Variants in LRRK1 observed in about 807,000 individuals in gnomAD.
LRRK1 encodes leucine rich repeat kinase 1.
LRRK1 carries 113 observed loss-of-function variants against 209.1 expected under a neutral mutation model. The observed-to-expected ratio is 0.54, with a 90% CI of 0.46 to 0.63. The LOEUF (loss-of-function observed/expected upper bound fraction) is 0.63. Among genes scored for constraint, LRRK1 ranks in the 30% least tolerant of loss-of-function variants. The probability of loss-of-function intolerance (pLI) is 0.00; values close to 1 mark genes in which losing one functional copy is unlikely to be tolerated. For synonymous variants in LRRK1, 1,144 were observed against 1,099.7 expected (o/e 1.04, Z -0.80); for missense variants, 2,284 against 2,632.2 (o/e 0.87, Z 2.89).
chr15:101,045,027 G>A (rs1043110760), intron 20 of LRRK1, among the ~76,000 whole-genome samples: 8 of 152,154 alleles, frequency 5.3e-5, no homozygotes, highest in African/African-American at 1.4e-4. Context: ...CACAGCCCCC[G>A]TCTACCTTCA....
At chr15:101,007,214 G>T (rs558969699) in intron 6 of LRRK1, among the ~76,000 whole-genome samples, 56 of 152,312 alleles carry the variant, frequency 3.7e-4, no homozygotes, top group South Asian at 6.2e-4. Context: ...ACGTTATTGG[G>T]ACCTTTCTCG....
intron 2 of LRRK1, among the ~76,000 whole-genome samples, chr15:100,931,511 A>T (rs2042211903): frequency 6.6e-6 from 1 of 152,248 alleles, no homozygotes; most frequent in Non-Finnish European, 1.5e-5. Flanking sequence ...GGCTCTCTGA[A>T]GTTCCTGTTA....
intron 4 of LRRK1, chr15:100,983,986 A>T (rs370062995): frequency 1.7e-5 from 8 of 458,296 alleles, no homozygotes; most frequent in African/African-American, 1.6e-4. Context: ...GAGAAGTTTT[A>T]GATTTATGGA....
At chr15:100,999,931 A>G (rs10902589) in intron 6 of LRRK1, among the ~76,000 whole-genome samples, 83,457 of 152,004 alleles carry the variant, frequency 0.55, 24,655 homozygotes, top group African/African-American at 0.79. Context: ...TTATTTTTGT[A>G]CTTAGGTTTC....
At chr15:101,014,539 G>T in intron 11 of LRRK1, 111 bp downstream of exon 11, 1 of 727,070 alleles carries the variant, frequency 1.4e-6, no homozygotes. Context: ...TGAGCCGCCA[G>T]CTGGGGGCTT....
intron 27 of LRRK1, among the ~76,000 whole-genome samples, chr15:101,056,248 GCTC>G (rs1348175053): frequency 1.3e-5 from 2 of 152,178 alleles, no homozygotes; most frequent in Admixed American, 6.5e-5. Context: ...TCCAGGAGAC[GCTC>G]CTTTTTTTAT....
At chr15:101,001,554 G>A (rs1240707290) in intron 6 of LRRK1, among the ~76,000 whole-genome samples, 1 of 152,128 alleles carries the variant, frequency 6.6e-6, no homozygotes, top group Non-Finnish European at 1.5e-5. Context: ...TGTGGCTCTT[G>A]TCTTACTGGC....
rs2033820104 is a variant in LRRK1 at position 101,022,061 on chromosome 15, C to T, written c.1852+104C>T. On this transcript the variant is annotated intron_variant, in intron 14 of 33. Transcript: ENST00000388948. The surrounding 1 kb of genome is among the most constrained non-coding windows in gnomAD (Gnocchi z 4.0). ...GGAGACAGTTGGTGACCCATGGAGCCCAGCTCCAGGTTCCAGATTTGACAA... is the reference window on the plus strand; with the variant it reads ...GGAGACAGTTGGTGACCCATGGAGCTCAGCTCCAGGTTCCAGATTTGACAA... 2.5e-6 allele frequency: 2 copies of T among 786,726 alleles called. No individual in the cohort carries two copies. The highest frequency in any genetic ancestry group is 4.1e-6 in the Non-Finnish European group (2 of 489,328). 48.7% of individuals were successfully genotyped at this position (786,726 alleles called of 1,614,324 possible). A position where few individuals can be genotyped will look rare whatever the true frequency, so the allele number is the denominator to read the frequency against.
At position 101,058,148 on chromosome 15, in the gene LRRK1, T is replaced by G; in HGVS notation, c.4679+7T>G. 3 of 1,613,772 alleles carry G rather than the reference T, an allele frequency of 1.9e-6. No individual in the cohort carries two copies. The highest frequency in any genetic ancestry group is 2.5e-6 in the Non-Finnish European group (3 of 1,179,926). The stretch of plus-strand genomic sequence containing the variant: ...ATGGAAAAGAGGAGTCCAGGTAAGC[T>G]CCTGCGGGCTGCCCTGCCCCCTTTG... On this transcript the variant is annotated splice_region_variant and intron_variant, in intron 29 of 33. Transcript: ENST00000388948.
chr15:100,975,209 G>C (rs899034208), intron 3 of LRRK1, among the ~76,000 whole-genome samples: 1 of 152,250 alleles, frequency 6.6e-6, no homozygotes, highest in African/African-American at 2.4e-5. Flanking sequence ...CTCAAGCAGG[G>C]AGGAGCTGGG....
At chr15:101,066,577 T>C (rs897510761) in intron 32 of LRRK1, 63 bp from the exon 33 acceptor site, 7 of 1,492,224 alleles carry the variant, frequency 4.7e-6, no homozygotes, top group Non-Finnish European at 6.5e-6. Context: ...GCACACCGGC[T>C]TCACTCCCCG....
In LRRK1 at chr15:100,919,629, G is replaced by A. The variant is rs2041983415; in HGVS notation, c.-123+178G>A. On this transcript the variant is annotated intron_variant, in intron 1 of 33. Transcript: ENST00000388948. This position sits in a 1 kb window ranked among gnomAD's most constrained non-coding sequence, Gnocchi z 5.8. ...GGGGGGCCGTTGCGCAGGGGCCGCG[G>A]CCCGAGGGGCGCGGAGGGCGTGTGG... Among the ~76,000 whole-genome samples the A allele has an allele frequency of 6.6e-6, 1 of 150,414 alleles. No homozygotes were observed.
At chr15:100,931,429 G>A (rs1368715560) in intron 2 of LRRK1, among the ~76,000 whole-genome samples, 3 of 152,160 alleles carry the variant, frequency 2.0e-5, no homozygotes, top group African/African-American at 7.2e-5. Flanking sequence ...CATCTTAATC[G>A]ATTATTTTAA....
In LRRK1 at chr15:101,048,653, C is replaced by T. The variant is rs200404538; in HGVS notation, c.3295C>T (p.Leu1099Phe). Residue 1099 changes from leucine to phenylalanine, a missense_variant, in exon 22 of 34, where the codon CTC becomes TTC. Leu to Phe is a conservative substitution (Grantham distance 22). This residue lies in a region of LRRK1 where 780 missense variants were observed against 985.2 expected (regional missense o/e 0.79). Coordinates refer to ENST00000388948, the MANE Select transcript of LRRK1 (RefSeq NM_024652.6). ...GLLVTFDGGY[L>F]SVESSDVNWK... ...CCTGGTCACTTTTGATGGGGGCTAC[C>T]TCAGGTAGGAACACCTGGAAGCCCA... The T allele has an allele frequency of 5.2e-5, 78 of 1,512,726 alleles. No individual in the cohort carries two copies. The African/African-American group carries it at 1.0e-3, about 20-fold the overall frequency. 93.7% of individuals were successfully genotyped at this position (1,512,726 alleles called of 1,614,324 possible).
At chr15:100,927,887 C>G (rs994148014) in intron 2 of LRRK1, among the ~76,000 whole-genome samples, 3 of 152,200 alleles carry the variant, frequency 2.0e-5, no homozygotes, top group African/African-American at 7.2e-5. Flanking sequence ...CTAAAGCCTA[C>G]AGTGCTCCCT....
intron 21 of LRRK1, 104 bp downstream of exon 21, chr15:101,046,256 C>A (rs2035070581): frequency 7.9e-7 from 1 of 1,258,656 alleles, no homozygotes; most frequent in Non-Finnish European, 1.1e-6. Context: ...TGCCTGGAGA[C>A]CCTTCTCCTA....
At position 100,983,587 on chromosome 15, in the gene LRRK1, C is replaced by G; in HGVS notation, c.321C>G (p.Leu107=). 1 of 1,612,254 alleles carries G rather than the reference C, an allele frequency of 6.2e-7. No individual in the cohort carries two copies. Among genetic ancestry groups the G allele is most frequent in the Non-Finnish European group, 8.5e-7 (1 of 1,178,678 alleles). Residue 107 remains leucine (L), a synonymous_variant, in exon 4 of 34, where the codon CTC becomes CTG. Transcript: ENST00000388948. ...YGDLEMVRYL[L]SKRLVELPTE... is the part of the protein sequence containing the mutation. ...ATCTGGAGATGGTCCGCTACCTACT[C>G]AGCAAGAGACTGGTGGAGCTGCCCA...
chr15:101,011,982 A>T (rs760465969), intron 9 of LRRK1, 26 bp from the exon 10 acceptor site: 14 of 1,517,486 alleles, frequency 9.2e-6, no homozygotes, highest in Admixed American at 2.0e-5. Flanking sequence ...ACTAATATAC[A>T]TTTTTTTTTC....
chr15:100,933,138 T>G (rs1421234545), intron 2 of LRRK1, among the ~76,000 whole-genome samples: 1 of 152,246 alleles, frequency 6.6e-6, no homozygotes, highest in African/African-American at 2.4e-5. Context: ...CATCTTTATT[T>G]TGCCCTCTCC....
Sources: allele counts gnomAD v4.1 joint callset (sites outside exome capture counted in the v4.1 genomes callset), GRCh38; gene constraint gnomAD v4.1.1; regional missense constraint gnomAD v4.1.1; non-coding constraint Gnocchi (gnomAD v3.1); transcripts MANE v1.5; gene names NCBI Gene and HGNC (gene_info 2026-07-23, HGNC 2026-07-21).